The following CBX5 variants were observed in gnomAD, a reference collection of about 807,000 sequenced individuals.
CBX5 encodes chromobox protein homolog 5.
In CBX5, 7 loss-of-function variants were observed where a neutral mutation model predicts 20.7. The observed-to-expected ratio is 0.34, with a 90% CI of 0.19 to 0.63. The LOEUF (loss-of-function observed/expected upper bound fraction) is 0.63, where lower values mean the gene tolerates loss of function less well. Ranked by LOEUF, CBX5 falls within the 30% of genes least tolerant of loss-of-function variation. CBX5 has a pLI of 0.75. For missense variants in CBX5, 110 were observed against 224.1 expected (o/e 0.49, Z 3.25); for synonymous variants, 78 against 77.0 (o/e 1.01, Z -0.07).
In CBX5 at chr12:54,237,221, G is replaced by A. The variant is rs1195565969; in HGVS notation, c.*4534C>T. On this transcript the variant is annotated 3_prime_UTR_variant, in exon 5 of 5. Coordinates refer to ENST00000209875, the MANE Select transcript of CBX5 (RefSeq NM_012117.3). ...TATAATGAGAATATATCAATAGCAG[G>A]AAATCTACTTTCACACATGGCAAAC... The A allele has an allele frequency of 1.3e-5, 2 of 152,054 alleles. No individual in the cohort carries two copies. The highest frequency in any genetic ancestry group is 2.4e-5 in the African/African-American group (1 of 41,394). The allele number at this position is 152,054 out of a possible 1,614,324, so 9.4% of individuals were successfully genotyped here.
Position 54,266,575 on chromosome 12 carries a change from G to A in CBX5, c.-42-8883C>T, listed in dbSNP as rs186908674. Among the ~76,000 whole-genome samples, 50 of 152,110 alleles carry A rather than the reference G, an allele frequency of 3.3e-4. 1 individual carries two copies. In the South Asian group the frequency reaches 6.4e-3, roughly 20 times the overall value. Reference sequence around the variant, plus strand: ...CTCCGCAATATTTAAAATAATAATTGTATATATACACATTCTAAATGACGA... The same window carrying A: ...CTCCGCAATATTTAAAATAATAATTATATATATACACATTCTAAATGACGA... On this transcript the variant is annotated intron_variant, in intron 1 of 4. Coordinates refer to ENST00000209875, the MANE Select transcript of CBX5 (RefSeq NM_012117.3).
intron 2 of CBX5, among the ~76,000 whole-genome samples, chr12:54,255,193 A>G (rs145705574): frequency 1.2e-3 from 181 of 152,280 alleles, no homozygotes; most frequent in African/African-American, 4.3e-3. Context: ...TCAAGAGGCC[A>G]AGGCAGGCAG....
intron 1 of CBX5, chr12:54,272,457 C>A (rs987210230): frequency 1.3e-5 from 2 of 152,108 alleles, no homozygotes; most frequent in African/African-American, 4.8e-5. Context: ...AGAAAAAAAT[C>A]TGTCAGTGTT....
chr12:54,255,315 T>TG (rs1943851761), intron 2 of CBX5, among the ~76,000 whole-genome samples: 4 of 151,770 alleles, frequency 2.6e-5, no homozygotes, highest in African/African-American at 9.7e-5. Context: ...ATCCCAACAC[T>TG]TTGGGAGGCT....
At chr12:54,250,075 A>G (rs1943778022) in intron 3 of CBX5, among the ~76,000 whole-genome samples, 1 of 152,060 alleles carries the variant, frequency 6.6e-6, no homozygotes, top group Non-Finnish European at 1.5e-5. Context: ...ATACAAAATT[A>G]GCTGGGCATG....
chr12:54,244,410 T>C (rs1306632315), intron 4 of CBX5, among the ~76,000 whole-genome samples: 2 of 151,978 alleles, frequency 1.3e-5, no homozygotes, highest in Non-Finnish European at 2.9e-5. Flanking sequence ...ACAGAGGTAG[T>C]GAGGACCACA....
chr12:54,252,911 G>A (rs1943821510), intron 2 of CBX5, among the ~76,000 whole-genome samples: 1 of 151,308 alleles, frequency 6.6e-6, no homozygotes, highest in African/African-American at 2.4e-5. Context: ...CTTGAGCCCG[G>A]GAAGGGGAGG....
chr12:54,266,463 C>CTA (rs1304668783), intron 1 of CBX5, among the ~76,000 whole-genome samples: 1 of 151,996 alleles, frequency 6.6e-6, no homozygotes, highest in Non-Finnish European at 1.5e-5. Context: ...ATGGCTTACA[C>CTA]CTATAATCCC....
At chr12:54,255,351 A>C (rs1943852394) in intron 2 of CBX5, among the ~76,000 whole-genome samples, 1 of 152,002 alleles carries the variant, frequency 6.6e-6, no homozygotes, top group African/African-American at 2.4e-5. Context: ...CAAGGTCAGG[A>C]GTTCGAGACC....
intron 1 of CBX5, among the ~76,000 whole-genome samples, chr12:54,271,583 C>T (rs1287343259): frequency 1.3e-5 from 2 of 152,248 alleles, no homozygotes; most frequent in Non-Finnish European, 2.9e-5. Flanking sequence ...CTCAGCCTCC[C>T]AAAGTGCTGG....
At chr12:54,262,024 T>C (rs1177975446) in intron 1 of CBX5, among the ~76,000 whole-genome samples, 1 of 152,110 alleles carries the variant, frequency 6.6e-6, no homozygotes, top group Non-Finnish European at 1.5e-5. Flanking sequence ...GCTCAACACA[T>C]TAGTAGATAG....
chr12:54,274,164 TTG>T (rs1428922187), intron 1 of CBX5: 3 of 152,182 alleles, frequency 2.0e-5, no homozygotes. Context: ...TAGGCAGCAG[TTG>T]TCACAGTGGG....
chr12:54,256,239 C>A (rs944366035), intron 2 of CBX5, among the ~76,000 whole-genome samples: 1 of 152,168 alleles, frequency 6.6e-6, no homozygotes, highest in Admixed American at 6.5e-5. Context: ...TGTTAGTGCT[C>A]TAGAGGTCTC....
At position 54,253,213 on chromosome 12, in the gene CBX5, G is replaced by A. The variant is rs549426596; in HGVS notation, c.138-986C>T. 1.2e-4 allele frequency among the ~76,000 whole-genome samples: 18 copies of A among 151,934 alleles called. No homozygotes were observed. In the East Asian group the frequency reaches 2.1e-3, roughly 18 times the overall value. ...CACTTTGAGAGGCACTCAGGAGTTC[G>A]AGACCAGCCTGGTCAATATTGCAAA... is the stretch of plus-strand genomic sequence containing the variant. On this transcript the variant is annotated intron_variant, in intron 2 of 4. Transcript: ENST00000209875.
At chr12:54,255,596 T>G (rs145713286) in intron 2 of CBX5, 12 of 150,538 alleles carry the variant, frequency 8.0e-5, no homozygotes, top group African/African-American at 2.7e-4. Flanking sequence ...TATGTAAAAA[T>G]TTAAATTAAA....
intron 2 of CBX5, 56 bp downstream of exon 2, chr12:54,257,458 A>G: frequency 6.3e-7 from 1 of 1,582,594 alleles, no homozygotes; most frequent in Non-Finnish European, 8.6e-7. Context: ...AAGGAAGTAA[A>G]CCAAAGGTAT....
intron 1 of CBX5, among the ~76,000 whole-genome samples, chr12:54,268,079 G>A (rs1157031413): frequency 6.6e-6 from 1 of 152,176 alleles, no homozygotes; most frequent in East Asian, 1.9e-4. Flanking sequence ...GGGAGACGGA[G>A]GTTACAGTGA....
At chr12:54,261,178 C>T (rs995186268) in intron 1 of CBX5, among the ~76,000 whole-genome samples, 2 of 131,044 alleles carry the variant, frequency 1.5e-5, no homozygotes, top group African/African-American at 5.8e-5. Context: ...GCAACAAGAG[C>T]GAAACCGTCT....
At chr12:54,247,040 G>A (rs1278558840) in intron 3 of CBX5, among the ~76,000 whole-genome samples, 4 of 151,996 alleles carry the variant, frequency 2.6e-5, no homozygotes, top group Non-Finnish European at 1.5e-5. Flanking sequence ...ACATTTCACA[G>A]TCACCTGTGT....
Sources: gnomAD v4.1 joint callset for allele counts (sites outside exome capture counted in the v4.1 genomes callset) on GRCh38, gnomAD v4.1.1 for gene constraint, MANE v1.5 for transcripts, NCBI Gene and HGNC (gene_info 2026-07-23, HGNC 2026-07-21) for gene names.